DGKB: variants seen among roughly 807,000 people sequenced by gnomAD.
DGKB encodes the protein diacylglycerol kinase beta, also known as 90 kDa diacylglycerol kinase.
In DGKB, 67 loss-of-function variants were observed where a neutral mutation model predicts 114.3. That is an observed-to-expected ratio of 0.59 (90% CI 0.48 to 0.72). DGKB has a LOEUF of 0.72. Ranked by LOEUF, DGKB falls within the 30% of genes least tolerant of loss-of-function variation. The pLI is 0.00. For synonymous variants in DGKB, 398 were observed against 323.1 expected, an observed-to-expected ratio of 1.23 and a Z score of -2.49; for missense variants, 907 against 975.2, an observed-to-expected ratio of 0.93 and a Z score of 0.93.
chr7:14,916,916 A>G (rs1784266217), intron 1 of DGKB, among the ~76,000 whole-genome samples: 1 of 152,090 alleles, frequency 6.6e-6, no homozygotes, highest in Non-Finnish European at 1.5e-5. Flanking sequence ...TAACAAATTT[A>G]AGAGGTTATA....
Position 14,345,320 on chromosome 7 carries a change from T to C in DGKB, c.1907A>G (p.His636Arg). The C allele has an allele frequency of 6.5e-7, 1 of 1,541,398 alleles. No individual in the cohort carries two copies. Among genetic ancestry groups the C allele is most frequent in the Non-Finnish European group, 8.8e-7 (1 of 1,140,310 alleles). Residue 636 changes from histidine to arginine, a missense_variant, in exon 22 of 26, where the codon CAT becomes CGT. Physicochemically the swap from His to Arg is conservative, Grantham distance 29. This residue lies in a region of DGKB where 814 missense variants were observed against 856.6 expected (regional missense o/e 0.95). Transcript: ENST00000402815. ...TCTTACTTCTATTTCTACAGATTCA[T>C]GTAGCTTCTTGCAGGTGGCTGAGAA... ...ETFSATCKKL[H>R]ESVEIECDGV...
At chr7:14,221,349 T>C (rs1302936110) in intron 23 of DGKB, among the ~76,000 whole-genome samples, 1 of 151,336 alleles carries the variant, frequency 6.6e-6, no homozygotes, top group Non-Finnish European at 1.5e-5. Context: ...GAGTACTCTC[T>C]ATTTCTAGTT....
chr7:14,944,650 C>A (rs568604022), intron 1 of DGKB, among the ~76,000 whole-genome samples: 8 of 151,760 alleles, frequency 5.3e-5, no homozygotes, highest in African/African-American at 1.9e-4. Context: ...GGTTATTTGG[C>A]ATTTCTGGAG....
chr7:14,318,555 A>T (rs1016908785), intron 23 of DGKB, among the ~76,000 whole-genome samples: 1 of 152,218 alleles, frequency 6.6e-6, no homozygotes, highest in African/African-American at 2.4e-5. Flanking sequence ...ATCACTGGCC[A>T]TCAGAGAAAT....
chr7:14,628,745 C>T (rs1809113724), intron 14 of DGKB, among the ~76,000 whole-genome samples: 1 of 152,042 alleles, frequency 6.6e-6, no homozygotes, highest in Admixed American at 6.6e-5. Context: ...TGTATTCACA[C>T]ACTCAGCCAT....
chr7:14,347,918 T>G (rs943678223), intron 21 of DGKB, among the ~76,000 whole-genome samples: 12 of 152,064 alleles, frequency 7.9e-5, no homozygotes, highest in Non-Finnish European at 1.5e-4. Context: ...TATACCTTAA[T>G]AAAGCTGGGG....
At chr7:14,581,533 G>A (rs1206643512) in intron 18 of DGKB, among the ~76,000 whole-genome samples, 1 of 152,142 alleles carries the variant, frequency 6.6e-6, no homozygotes, top group Non-Finnish European at 1.5e-5. Flanking sequence ...TTTTCCATGA[G>A]ATTAATCTTT....
At chr7:14,298,990 T>C (rs141595150) in intron 23 of DGKB, among the ~76,000 whole-genome samples, 192 of 152,228 alleles carry the variant, frequency 1.3e-3, no homozygotes, top group African/African-American at 4.6e-3. Context: ...AAAACCACAA[T>C]GAGATACCAT....
chr7:14,311,080 G>T (rs1274549395), intron 23 of DGKB, among the ~76,000 whole-genome samples: 2 of 152,088 alleles, frequency 1.3e-5, no homozygotes, highest in Non-Finnish European at 2.9e-5. Context: ...ATGAGCCAAG[G>T]TCACGCCACT....
intron 1 of DGKB, among the ~76,000 whole-genome samples, chr7:14,915,550 G>A (rs531426252): frequency 6.6e-6 from 1 of 152,214 alleles, no homozygotes; most frequent in East Asian, 1.9e-4. Flanking sequence ...AAGACAAAGA[G>A]AAAATATTGA....
Position 14,648,303 on chromosome 7 carries a change from C to T in DGKB, c.1135-18035G>A, listed in dbSNP as rs371280886. Among the ~76,000 whole-genome samples, 1,043 of 152,248 alleles carry T rather than the reference C, an allele frequency of 6.9e-3. 16 individuals are homozygous for T. Among genetic ancestry groups the T allele is most frequent in the African/African-American group, 0.022 (925 of 41,544 alleles). On this transcript the variant is annotated intron_variant, in intron 13 of 25. Coordinates refer to ENST00000402815, the MANE Select transcript of DGKB (RefSeq NM_001350709.2). ...CAGCATGCAGCTGGAGATCTGAGAA[C>T]GGGCAGACTGCCTCCTCAAGTGGGT...
intron 17 of DGKB, among the ~76,000 whole-genome samples, chr7:14,597,415 A>G (rs992633461): frequency 1.3e-5 from 2 of 152,206 alleles, no homozygotes; most frequent in Admixed American, 1.3e-4. Context: ...ACACCAAGAT[A>G]TTTATGATTT....
At chr7:14,396,233 A>C (rs1822193598) in intron 21 of DGKB, among the ~76,000 whole-genome samples, 1 of 152,112 alleles carries the variant, frequency 6.6e-6, no homozygotes, top group Non-Finnish European at 1.5e-5. Flanking sequence ...ATTTTACTGA[A>C]GATTTGTTTA....
At chr7:14,621,540 C>G in intron 14 of DGKB, 46 bp from the exon 15 acceptor site, 1 of 1,158,568 alleles carries the variant, frequency 8.6e-7, no homozygotes, top group Non-Finnish European at 1.2e-6. Flanking sequence ...AGGAAAATAA[C>G]ATAATAAAAT....
intron 21 of DGKB, among the ~76,000 whole-genome samples, chr7:14,346,703 C>G (rs920625513): frequency 5.9e-5 from 9 of 151,778 alleles, no homozygotes; most frequent in Non-Finnish European, 1.2e-4. Context: ...ACAGATGTGT[C>G]TATATTAAAT....
chr7:14,883,770 T>C (rs560586965), intron 1 of DGKB, among the ~76,000 whole-genome samples: 1 of 152,132 alleles, frequency 6.6e-6, no homozygotes, highest in Admixed American at 6.6e-5. Flanking sequence ...TAATACCTAA[T>C]TATGTGCCAC....
chr7:14,661,582 T>C (rs375500777), intron 13 of DGKB, among the ~76,000 whole-genome samples: 1 of 151,806 alleles, frequency 6.6e-6, no homozygotes, highest in African/African-American at 2.4e-5. Context: ...TGTGGAGAAA[T>C]AGGAACACTT....
chr7:14,633,671 A>C (rs1314552739), intron 13 of DGKB, among the ~76,000 whole-genome samples: 1 of 151,808 alleles, frequency 6.6e-6, no homozygotes, highest in Non-Finnish European at 1.5e-5. Flanking sequence ...AATCATCATG[A>C]GTGCATGATT....
At chr7:14,459,313 A>C (rs1270346696) in intron 21 of DGKB, among the ~76,000 whole-genome samples, 1 of 152,026 alleles carries the variant, frequency 6.6e-6, no homozygotes, top group African/African-American at 2.4e-5. Context: ...CTGGCTCTGA[A>C]GAGCATGTTC....
Sources: allele counts gnomAD v4.1 joint callset (sites outside exome capture counted in the v4.1 genomes callset), GRCh38; gene constraint gnomAD v4.1.1; regional missense constraint gnomAD v4.1.1; transcripts MANE v1.5; gene names NCBI Gene and HGNC (gene_info 2026-07-23, HGNC 2026-07-21).